CFAP20DC: variants seen among roughly 807,000 people sequenced by gnomAD.
CFAP20DC encodes protein CFAP20DC.
CFAP20DC carries 84 observed loss-of-function variants against 101.7 expected under a neutral mutation model. That is an observed-to-expected ratio of 0.83 (90% CI 0.69 to 0.99). The LOEUF (loss-of-function observed/expected upper bound fraction) is 0.99. Ranked by LOEUF, CFAP20DC falls within the 50% of genes least tolerant of loss-of-function variation. The pLI is 0.00. For missense variants in CFAP20DC, 1,007 were observed against 970.3 expected, an observed-to-expected ratio of 1.04 and a Z score of -0.50; for synonymous variants, 359 against 351.2, an observed-to-expected ratio of 1.02 and a Z score of -0.25.
At chr3:58,952,018 C>T (rs1262390085) in intron 4 of CFAP20DC, among the ~76,000 whole-genome samples, 1 of 152,158 alleles carries the variant, frequency 6.6e-6, no homozygotes, top group Non-Finnish European at 1.5e-5. Context: ...AAAGGCTGGG[C>T]AATTTGCAAA....
intron 14 of CFAP20DC, among the ~76,000 whole-genome samples, chr3:58,828,468 T>C (rs1396427695): frequency 1.3e-5 from 2 of 151,922 alleles, no homozygotes; most frequent in African/African-American, 2.4e-5. Context: ...GCATAAACCA[T>C]AAAAAAGAGT....
chr3:58,804,049 A>T (rs1283321067), intron 15 of CFAP20DC, among the ~76,000 whole-genome samples: 1 of 152,178 alleles, frequency 6.6e-6, no homozygotes, highest in East Asian at 1.9e-4. Context: ...AGGACAATGA[A>T]ATAAAAGTAG....
At chr3:58,737,088 T>C (rs1202447592), downstream of CFAP20DC, 9 of 417,998 alleles carry the variant, frequency 2.2e-5, no homozygotes, top group Admixed American at 9.2e-5. This position sits in a 1 kb window ranked among gnomAD's most constrained non-coding sequence, Gnocchi z 4.1. Context: ...TAATTTAAAA[T>C]ATGACAAAGA....
At chr3:58,783,250 C>A (rs966347199) in intron 15 of CFAP20DC, among the ~76,000 whole-genome samples, 2 of 151,810 alleles carry the variant, frequency 1.3e-5, no homozygotes, top group African/African-American at 4.8e-5. Flanking sequence ...AAACTAGATG[C>A]CTACTTCTCA....
rs561392977 is a variant in CFAP20DC at position 58,860,114 on chromosome 3, T to G, written c.1593+3444A>C. On this transcript the variant is annotated intron_variant, in intron 12 of 16. Coordinates refer to ENST00000482387, the MANE Select transcript of CFAP20DC (RefSeq NM_001394063.1). ...ATTGCTTGAACCAGGGAGTCGGAGG[T>G]TGCAATGAGCAGAGATCCCACCACT... 5.2e-4 allele frequency among the ~76,000 whole-genome samples: 74 copies of G among 141,806 alleles called. 1 individual carries two copies. Among genetic ancestry groups the G allele is most frequent in the African/African-American group, 1.9e-3 (72 of 37,912 alleles). The allele number at this position is 141,806 out of a possible 152,430, so 93.0% of individuals were successfully genotyped here.
At chr3:58,821,280 C>T (rs1211759788) in intron 14 of CFAP20DC, among the ~76,000 whole-genome samples, 3 of 152,150 alleles carry the variant, frequency 2.0e-5, no homozygotes, top group African/African-American at 7.2e-5. Flanking sequence ...CAACAAAAGA[C>T]AAAATTGACA....
At chr3:58,764,876 C>T (rs1007164421) in intron 15 of CFAP20DC, among the ~76,000 whole-genome samples, 1 of 152,136 alleles carries the variant, frequency 6.6e-6, no homozygotes, top group Non-Finnish European at 1.5e-5. Context: ...GGCTACTGGG[C>T]ACACCTGCAC....
At chr3:58,891,206 C>G (rs1394064044) in intron 6 of CFAP20DC, among the ~76,000 whole-genome samples, 1 of 152,038 alleles carries the variant, frequency 6.6e-6, no homozygotes, top group African/African-American at 2.4e-5. Flanking sequence ...GCGGATCACT[C>G]GCGGTTAGGG....
At chr3:58,730,818 C>T (rs749601708) in intron 3 of CFAP20DC, among the ~76,000 whole-genome samples, 4 of 151,902 alleles carry the variant, frequency 2.6e-5, no homozygotes, top group African/African-American at 4.8e-5. Flanking sequence ...TCATCATACA[C>T]GGTAAGCAGT....
At chr3:58,928,205 A>T (rs1011522654) in intron 5 of CFAP20DC, among the ~76,000 whole-genome samples, 2 of 152,222 alleles carry the variant, frequency 1.3e-5, no homozygotes, top group Non-Finnish European at 2.9e-5. Flanking sequence ...CTTGTAGTCT[A>T]CTGGGGAAAA....
At chr3:58,907,374 G>A (rs566890326) in intron 6 of CFAP20DC, among the ~76,000 whole-genome samples, 1 of 152,208 alleles carries the variant, frequency 6.6e-6, no homozygotes, top group East Asian at 1.9e-4. Flanking sequence ...GTTACCATTG[G>A]GATTTAATAC....
At chr3:59,041,333 T>A (rs1350449381) in intron 3 of CFAP20DC, among the ~76,000 whole-genome samples, 2 of 152,260 alleles carry the variant, frequency 1.3e-5, no homozygotes, top group Middle Eastern at 3.4e-3. Flanking sequence ...AGTTTTGTAA[T>A]TCAACTTTCT....
chr3:58,754,117 T>A (rs942742680), intron 15 of CFAP20DC, among the ~76,000 whole-genome samples: 13 of 152,206 alleles, frequency 8.5e-5, no homozygotes, highest in African/African-American at 2.9e-4. Flanking sequence ...ATTATTGTTG[T>A]TATTAAATTA....
chr3:58,867,838 C>T lies in CFAP20DC; in HGVS notation c.1114G>A (p.Glu372Lys), dbSNP rs1351479774. ...RRLRLKSTSRERTETPSGSSS... is the reference protein window; with the variant it reads ...RRLRLKSTSRKRTETPSGSSS... Reference sequence around the variant, plus strand: ...ATACCGCTGGGTGTCTCTGTCCTTTCTCTGCTGGTACTTTTTAACCGTAAT... The same window carrying T: ...ATACCGCTGGGTGTCTCTGTCCTTTTTCTGCTGGTACTTTTTAACCGTAAT... Residue 372 changes from glutamate (E) to lysine (K), a missense_variant, in exon 10 of 17, where the codon GAA (glutamate) becomes AAA (lysine). Transcript: ENST00000482387. 3.1e-6 allele frequency: 5 copies of T among 1,613,594 alleles called. No individual in the cohort carries two copies. Among genetic ancestry groups the T allele is most frequent in the Non-Finnish European group, 3.4e-6 (4 of 1,179,630 alleles).
intron 4 of CFAP20DC, among the ~76,000 whole-genome samples, chr3:58,998,669 CATT>C (rs1267596196): frequency 6.6e-6 from 1 of 152,130 alleles, no homozygotes; most frequent in Non-Finnish European, 1.5e-5. Context: ...ATGTGATAGA[CATT>C]AGTCAGTGGA....
chr3:58,979,123 T>C (rs1458815846), intron 4 of CFAP20DC, among the ~76,000 whole-genome samples: 1 of 152,180 alleles, frequency 6.6e-6, no homozygotes, highest in Non-Finnish European at 1.5e-5. Context: ...TGATATGTTC[T>C]GTCAAGCAAA....
At chr3:58,836,371 C>T (rs375374185) in intron 13 of CFAP20DC, among the ~76,000 whole-genome samples, 43 of 152,266 alleles carry the variant, frequency 2.8e-4, no homozygotes, top group African/African-American at 9.1e-4. Context: ...TGATGTCCTT[C>T]GCCCAATCTA....
At chr3:58,809,605 G>T (rs945274619) in intron 14 of CFAP20DC, among the ~76,000 whole-genome samples, 1 of 152,094 alleles carries the variant, frequency 6.6e-6, no homozygotes, top group Admixed American at 6.6e-5. Flanking sequence ...AAGCAGGAAA[G>T]ATCCAAAATT....
chr3:58,916,926 T>C (rs1442537493), intron 5 of CFAP20DC, among the ~76,000 whole-genome samples: 2 of 152,168 alleles, frequency 1.3e-5, no homozygotes, highest in Non-Finnish European at 2.9e-5. Flanking sequence ...TAAAATATTA[T>C]TTTCAATATT....
Sources: allele counts gnomAD v4.1 joint callset (sites outside exome capture counted in the v4.1 genomes callset), GRCh38; gene constraint gnomAD v4.1.1; non-coding constraint Gnocchi (gnomAD v3.1); transcripts MANE v1.5; gene names NCBI Gene and HGNC (gene_info 2026-07-23, HGNC 2026-07-21).